The following POMT2 variants were observed in gnomAD, a reference collection of about 807,000 sequenced individuals.
POMT2 encodes the protein protein O-mannosyl-transferase 2.
POMT2 carries 75 observed loss-of-function variants against 100.0 expected under a neutral mutation model. The observed-to-expected ratio is 0.75, with a 90% CI of 0.62 to 0.91. The LOEUF is 0.91. POMT2 is among the 40% of genes least tolerant of loss of function. The pLI is 0.00. For missense variants in POMT2, 940 were observed against 955.1 expected (o/e 0.98, Z 0.21); for synonymous variants, 378 against 374.1 (o/e 1.01, Z -0.12).
At chr14:77,313,448 G>A (rs972688450) in intron 1 of POMT2, among the ~76,000 whole-genome samples, 4 of 152,174 alleles carry the variant, frequency 2.6e-5, no homozygotes, top group Admixed American at 1.3e-4. Context: ...GGCACAACCC[G>A]CCAAAATCAC....
chr14:77,277,190 G>A lies in POMT2; in HGVS notation c.*186C>T, dbSNP rs547018226. On this transcript the variant is annotated 3_prime_UTR_variant, in exon 21 of 21. Coordinates refer to ENST00000261534, the MANE Select transcript of POMT2 (RefSeq NM_013382.7). ...CCGTGGTGCTGTGGACGGAGCTGCG[G>A]CTCTCTCCCGGCTCTCTCCAATGCT... The A allele has an allele frequency of 1.1e-5, 7 of 626,830 alleles. No homozygotes were observed. Among genetic ancestry groups the A allele is most frequent in the African/African-American group, 1.8e-5 (1 of 55,264 alleles). The allele number at this position is 626,830 out of a possible 1,614,324, so 38.8% of individuals were successfully genotyped here. A position where few individuals can be genotyped will look rare whatever the true frequency, so the allele number is the denominator to read the frequency against.
intron 20 of POMT2, 152 bp from the exon 21 acceptor site, chr14:77,277,633 G>C (rs1206762350): frequency 1.4e-6 from 1 of 720,222 alleles, no homozygotes; most frequent in African/African-American, 1.7e-5. Flanking sequence ...GTCCCACTGG[G>C]GCACACTGTA....
chr14:77,311,970 A>G lies in POMT2; in HGVS notation c.312T>C (p.Asp104=). The G allele has an allele frequency of 6.2e-7, 1 of 1,614,122 alleles. No homozygotes were observed. The highest frequency in any genetic ancestry group is 8.5e-7 in the Non-Finnish European group (1 of 1,180,006). Residue 104 remains aspartate, a synonymous_variant, in exon 2 of 21, where the codon GAT becomes GAC. Coordinates refer to ENST00000261534, the MANE Select transcript of POMT2 (RefSeq NM_013382.7). ...SYYINRTFFF[D]VHPPLGKMLI... ...TCACCTTTCCCAGGGGCGGGTGCACATCAAAGAAAAATGTACGGTTGATAT... is the reference window on the plus strand; with the variant it reads ...TCACCTTTCCCAGGGGCGGGTGCACGTCAAAGAAAAATGTACGGTTGATAT...
intron 1 of POMT2, among the ~76,000 whole-genome samples, chr14:77,317,596 C>T (rs1891679425): frequency 6.6e-6 from 1 of 152,230 alleles, no homozygotes; most frequent in Non-Finnish European, 1.5e-5. Context: ...TGTTTTTAAC[C>T]TCCTCCTGGT....
Position 77,284,963 on chromosome 14 carries a change from A to T in POMT2, c.1563T>A (p.His521Gln). 6.2e-7 allele frequency: 1 copy of T among 1,610,220 alleles called. No homozygotes were observed. Among genetic ancestry groups the T allele is most frequent in the Non-Finnish European group, 8.5e-7 (1 of 1,176,396 alleles). Residue 521 changes from histidine (H) to glutamine (Q), a missense_variant, in exon 14 of 21, where the codon CAT (histidine) becomes CAA (glutamine). Coordinates refer to ENST00000261534, the MANE Select transcript of POMT2 (RefSeq NM_013382.7). ...GACCTCACTCACACTTGGGATTGAT[A>T]TGGTCCTCCACATTCCAGATGGAGT... ...TLNSIWNVEDHINPKLPNISL... is the reference protein window; with the variant it reads ...TLNSIWNVEDQINPKLPNISL...
intron 15 of POMT2, among the ~76,000 whole-genome samples, chr14:77,283,219 C>T (rs1890292757): frequency 6.6e-6 from 1 of 152,246 alleles, no homozygotes; most frequent in Admixed American, 6.5e-5. Context: ...ATATAAACAA[C>T]ACACTCAAAT....
chr14:77,299,082 C>T (rs1051114499), intron 7 of POMT2, among the ~76,000 whole-genome samples: 27 of 152,346 alleles, frequency 1.8e-4, no homozygotes, highest in African/African-American at 6.5e-4. Context: ...ATGCGGAACA[C>T]AGTTCCTGAT....
Position 77,284,819 on chromosome 14 carries a change from A to G in POMT2, c.1576+131T>C, listed in dbSNP as rs1484834379. 19 of 772,464 alleles carry G rather than the reference A, an allele frequency of 2.5e-5. No individual in the cohort carries two copies. In the Admixed American group the frequency reaches 4.0e-4, roughly 16 times the overall value. The allele number at this position is 772,464 out of a possible 1,614,324, so 47.9% of individuals were successfully genotyped here. On this transcript the variant is annotated intron_variant, in intron 14 of 20. Coordinates refer to ENST00000261534, the MANE Select transcript of POMT2 (RefSeq NM_013382.7). ...GTAGGTACAGACAACTCATAGAAAG[A>G]GAGTGTTAACAAGGAACAAACAGCA...
chr14:77,320,368 G>A (rs1891821821), intron 1 of POMT2, 66 bp downstream of exon 1: 6 of 1,540,570 alleles, frequency 3.9e-6, no homozygotes, highest in Non-Finnish European at 4.4e-6. Flanking sequence ...GTACCCTCGG[G>A]CCAATCAGAG....
At chr14:77,306,233 C>T (rs1891224779) in intron 3 of POMT2, 104 bp downstream of exon 3, 14 of 1,551,248 alleles carry the variant, frequency 9.0e-6, no homozygotes, top group Non-Finnish European at 1.1e-5. Flanking sequence ...ACCCAAAGTC[C>T]CTTTATTTGC....
rs1020072457 is a variant in POMT2, at chr14:77,279,807, G to A, written c.1891+16C>T. On this transcript the variant is annotated intron_variant, in intron 18 of 20. Transcript: ENST00000261534. Reference sequence around the variant, plus strand: ...CTGCCGCCAGGTCAGGGGAGGGAGAGCCCAGAGGACCTGACCTGCAACCTC... The same window carrying A: ...CTGCCGCCAGGTCAGGGGAGGGAGAACCCAGAGGACCTGACCTGCAACCTC... 6 of 1,609,026 alleles carry A rather than the reference G, an allele frequency of 3.7e-6. No homozygotes were observed. Among genetic ancestry groups the A allele is most frequent in the Non-Finnish European group, 5.1e-6 (6 of 1,178,256 alleles).
chr14:77,285,734 G>C lies in POMT2; in HGVS notation c.1333-102C>G, dbSNP rs112650618. On this transcript the variant is annotated intron_variant, in intron 12 of 20. Transcript: ENST00000261534. The stretch of plus-strand genomic sequence containing the variant: ...CACCCAGATGCCACCATGTTATGAA[G>C]GTCAAAGACCAAATTAGGCTCAATG... 1.2e-3 allele frequency: 1,634 copies of C among 1,360,068 alleles called. 17 individuals carry two copies. In the African/African-American group the frequency reaches 0.02, roughly 17 times the overall value. 84.3% of individuals were successfully genotyped at this position (1,360,068 alleles called of 1,614,324 possible).
In POMT2 at chr14:77,284,914, C is replaced by T. The variant is rs760031403; in HGVS notation, c.1576+36G>A. Reference sequence around the variant, plus strand: ...AGATAAGGGTTTCTTATAAATGCTTCCCTCCAGAGCCAGCCCAGAAAGTGA... The same window carrying T: ...AGATAAGGGTTTCTTATAAATGCTTTCCTCCAGAGCCAGCCCAGAAAGTGA... On this transcript the variant is annotated intron_variant, in intron 14 of 20. Transcript: ENST00000261534. 2.6e-6 allele frequency: 4 copies of T among 1,526,558 alleles called. No homozygotes were observed. In the Admixed American group the frequency reaches 6.7e-5, roughly 25 times the overall value. The allele number at this position is 1,526,558 out of a possible 1,614,324, so 94.6% of individuals were successfully genotyped here. A position where few individuals can be genotyped will look rare whatever the true frequency, so the allele number is the denominator to read the frequency against.
rs762596077 is a variant in POMT2 at position 77,278,725 on chromosome 14, T to C, written c.2032+4A>G. 6.2e-7 allele frequency: 1 copy of C among 1,613,876 alleles called. No individual in the cohort carries two copies. The highest frequency in any genetic ancestry group is 8.5e-7 in the Non-Finnish European group (1 of 1,179,918). On this transcript the variant is annotated splice_donor_region_variant and intron_variant, in intron 19 of 20. Coordinates refer to ENST00000261534, the MANE Select transcript of POMT2 (RefSeq NM_013382.7). ...TCTCCCAAGTCCAGGTGGGTGGCAC[T>C]GACCTGTCAACATGCTTGAGAAGAG...
intron 2 of POMT2, among the ~76,000 whole-genome samples, chr14:77,310,193 T>A (rs772645168): frequency 7.9e-5 from 12 of 152,198 alleles, no homozygotes; most frequent in Non-Finnish European, 7.3e-5. Flanking sequence ...GTAACAGATG[T>A]AGTCTGAGGA....
At chr14:77,314,787 T>C (rs1034508738) in intron 1 of POMT2, among the ~76,000 whole-genome samples, 1 of 152,026 alleles carries the variant, frequency 6.6e-6, no homozygotes, top group East Asian at 1.9e-4. Flanking sequence ...AATCAACAAG[T>C]CTCCAACGGT....
chr14:77,298,558 C>G (rs1173984774), intron 8 of POMT2, 131 bp downstream of exon 8: 1 of 924,106 alleles, frequency 1.1e-6, no homozygotes. Context: ...TTCACCAGAT[C>G]TATCTGGGTC....
At chr14:77,295,399 G>A (rs35149989) in intron 9 of POMT2, among the ~76,000 whole-genome samples, 35,967 of 151,996 alleles carry the variant, frequency 0.24, 4,552 homozygotes, top group East Asian at 0.48. Flanking sequence ...TTGGGAGGCC[G>A]AGGCAGGTGG....
intron 1 of POMT2, among the ~76,000 whole-genome samples, chr14:77,318,392 G>A (rs186870881): frequency 9.2e-5 from 14 of 152,280 alleles, no homozygotes; most frequent in African/African-American, 2.9e-4. Context: ...CTATTCCCAC[G>A]TGCCTGATGA....
Sources: allele counts gnomAD v4.1 joint callset (sites outside exome capture counted in the v4.1 genomes callset), GRCh38; gene constraint gnomAD v4.1.1; transcripts MANE v1.5; gene names NCBI Gene and HGNC (gene_info 2026-07-23, HGNC 2026-07-21).